DNAH14: variants seen among roughly 807,000 people sequenced by gnomAD.
DNAH14 encodes the protein dynein axonemal heavy chain 14.
In DNAH14, 478 loss-of-function variants were observed where a neutral mutation model predicts 520.9. The observed-to-expected ratio is 0.92, with a 90% CI of 0.85 to 0.99. DNAH14 has a LOEUF of 0.99. Ranked by LOEUF, DNAH14 falls within the 50% of genes least tolerant of loss-of-function variation. DNAH14 has a pLI of 0.00. For synonymous variants in DNAH14, 1,581 were observed against 1,757.2 expected (o/e 0.90, Z 2.51); for missense variants, 4,831 against 5,234.5 (o/e 0.92, Z 2.38).
rs1426320852 is a variant in DNAH14, at chr1:225,269,931, A to G, written c.7540-804A>G. Among the ~76,000 whole-genome samples the G allele has an allele frequency of 2.0e-5, 3 of 152,196 alleles. No individual in the cohort carries two copies. The East Asian group carries it at 5.8e-4, about 29-fold the overall frequency. ...CAGTGTGGTGATTCCTCAAGGATCTAGAACTAGAAATACCATTTGACTCAG... is the reference window on the plus strand; with the variant it reads ...CAGTGTGGTGATTCCTCAAGGATCTGGAACTAGAAATACCATTTGACTCAG... On this transcript the variant is annotated intron_variant, in intron 49 of 85. Transcript: ENST00000682510.
intron 80 of DNAH14, among the ~76,000 whole-genome samples, chr1:225,380,770 C>T (rs1159156024): frequency 6.6e-6 from 1 of 152,186 alleles, no homozygotes; most frequent in East Asian, 1.9e-4. Context: ...TGACTCCAAA[C>T]CCAGCTCTAA....
chr1:224,996,391 G>A (rs1490267297), intron 8 of DNAH14, among the ~76,000 whole-genome samples: 1 of 152,002 alleles, frequency 6.6e-6, no homozygotes, highest in East Asian at 1.9e-4. Context: ...GAACTCCTGG[G>A]CTCAAGTGAT....
chr1:225,134,844 A>G (rs1486706777), intron 27 of DNAH14, among the ~76,000 whole-genome samples: 2 of 152,076 alleles, frequency 1.3e-5, no homozygotes, highest in Non-Finnish European at 2.9e-5. Context: ...ATGTGAATCC[A>G]TCTGGTCTTG....
chr1:225,282,867 G>C (rs910111111), intron 54 of DNAH14, among the ~76,000 whole-genome samples: 5 of 152,172 alleles, frequency 3.3e-5, no homozygotes, highest in East Asian at 3.9e-4. Flanking sequence ...CGTGTGCTTT[G>C]CCCATTTTTC....
chr1:225,159,218 A>T (rs1321709589), intron 34 of DNAH14, 96 bp from the exon 35 acceptor site: 57 of 1,003,788 alleles, frequency 5.7e-5, no homozygotes, highest in Non-Finnish European at 7.3e-5. Flanking sequence ...GGACATTGGG[A>T]TAGCCACCCC....
At chr1:225,168,154 T>A (rs931146049) in intron 36 of DNAH14, 126 bp downstream of exon 36, 6 of 611,314 alleles carry the variant, frequency 9.8e-6, no homozygotes, top group African/African-American at 7.8e-5. Context: ...TAAAGTCATT[T>A]ATTAATTGTT....
chr1:225,159,496 CT>C lies in DNAH14; in HGVS notation c.5445+14del. 3.3e-6 allele frequency: 5 copies of C among 1,496,648 alleles called. No homozygotes were observed. Among genetic ancestry groups the C allele is most frequent in the Non-Finnish European group, 4.4e-6 (5 of 1,124,232 alleles). The allele number at this position is 1,496,648 out of a possible 1,614,324, so 92.7% of individuals were successfully genotyped here. On this transcript the variant is annotated intron_variant, in intron 35 of 85. Transcript: ENST00000682510. ...CAACTTGCCTTGGAGGTAAAAAGAC[CT>C]TTGAAAATCATCACCAATTATTTGG...
intron 36 of DNAH14, among the ~76,000 whole-genome samples, chr1:225,176,545 C>G (rs61851478): frequency 0.13 from 19,395 of 151,998 alleles, 1,391 homozygotes; most frequent in East Asian, 0.31. Context: ...GTTGAAATTT[C>G]CTACTATTAT....
intron 21 of DNAH14, among the ~76,000 whole-genome samples, chr1:225,094,763 G>A (rs1480232004): frequency 2.1e-5 from 3 of 140,508 alleles, no homozygotes; most frequent in African/African-American, 5.1e-5. Flanking sequence ...CAAACTATGC[G>A]TCTGATGAAG....
In DNAH14 at chr1:225,240,589, C is replaced by A; in HGVS notation, c.6519-4C>A. Reference sequence around the variant, plus strand: ...CTTCATCCTTCCATACCTGTCTACCCCAGGGATGAAAATACATGGTATCCA... The same window carrying A: ...CTTCATCCTTCCATACCTGTCTACCACAGGGATGAAAATACATGGTATCCA... On this transcript the variant is annotated splice_polypyrimidine_tract_variant and splice_region_variant and intron_variant, in intron 42 of 85. Coordinates refer to ENST00000682510, the MANE Select transcript of DNAH14 (RefSeq NM_001367479.1). The A allele has an allele frequency of 6.6e-7, 1 of 1,513,754 alleles. No homozygotes were observed. Among genetic ancestry groups the A allele is most frequent in the Non-Finnish European group, 9.0e-7 (1 of 1,113,710 alleles). The allele number at this position is 1,513,754 out of a possible 1,614,324, so 93.8% of individuals were successfully genotyped here.
chr1:225,077,773 A>G (rs2072480837), intron 17 of DNAH14, among the ~76,000 whole-genome samples: 1 of 152,200 alleles, frequency 6.6e-6, no homozygotes, highest in Non-Finnish European at 1.5e-5. Flanking sequence ...CTCTGTGGCA[A>G]AGAGACACAC....
intron 77 of DNAH14, among the ~76,000 whole-genome samples, chr1:225,374,234 A>T (rs1178124440): frequency 1.1e-4 from 2 of 17,876 alleles, no homozygotes; most frequent in African/African-American, 2.6e-4. Context: ...AATATATATA[A>T]TATATATATT....
At chr1:225,185,950 T>TTG (rs1204452945) in intron 37 of DNAH14, among the ~76,000 whole-genome samples, 2 of 149,042 alleles carry the variant, frequency 1.3e-5, no homozygotes, top group Non-Finnish European at 3.0e-5. Context: ...CACTTTGTTT[T>TTG]TTTTTTTTTT....
chr1:225,090,542 AAG>A (rs1313621786), intron 21 of DNAH14, among the ~76,000 whole-genome samples: 2 of 152,150 alleles, frequency 1.3e-5, no homozygotes, highest in Non-Finnish European at 2.9e-5. Context: ...ATAGACAAGA[AAG>A]AGAGAGTACA....
chr1:225,140,765 C>A lies in DNAH14; in HGVS notation c.4255-3C>A. Reference sequence around the variant, plus strand: ...TATATATAACATTATCTTACTTTTTCAGAGCCAGATCATGTTTTATAATGA... The same window carrying A: ...TATATATAACATTATCTTACTTTTTAAGAGCCAGATCATGTTTTATAATGA... On this transcript the variant is annotated splice_region_variant and splice_polypyrimidine_tract_variant and intron_variant, in intron 27 of 85. Coordinates refer to ENST00000682510, the MANE Select transcript of DNAH14 (RefSeq NM_001367479.1). The A allele has an allele frequency of 6.6e-7, 1 of 1,512,398 alleles. No homozygotes were observed. Among genetic ancestry groups the A allele is most frequent in the South Asian group, 1.2e-5 (1 of 82,612 alleles). The allele number at this position is 1,512,398 out of a possible 1,614,324, so 93.7% of individuals were successfully genotyped here. A position where few individuals can be genotyped will look rare whatever the true frequency, so the allele number is the denominator to read the frequency against.
At chr1:225,188,141 A>G (rs2084965883) in intron 37 of DNAH14, among the ~76,000 whole-genome samples, 1 of 151,912 alleles carries the variant, frequency 6.6e-6, no homozygotes, top group Non-Finnish European at 1.5e-5. Flanking sequence ...ATAGTTTTAT[A>G]TAGTAGTCTC....
intron 17 of DNAH14, among the ~76,000 whole-genome samples, chr1:225,069,157 A>C (rs2071258929): frequency 6.6e-6 from 1 of 152,212 alleles, no homozygotes; most frequent in African/African-American, 2.4e-5. Flanking sequence ...TGCCATCTGC[A>C]AACAGGGATA....
chr1:225,119,865 C>T (rs1010057603), intron 26 of DNAH14, among the ~76,000 whole-genome samples: 8 of 152,102 alleles, frequency 5.3e-5, no homozygotes, highest in African/African-American at 1.9e-4. Context: ...GTTTTTATAT[C>T]TATAGTTGTT....
chr1:225,268,149 A>G (rs1221873223), intron 49 of DNAH14, among the ~76,000 whole-genome samples: 1 of 152,140 alleles, frequency 6.6e-6, no homozygotes. Flanking sequence ...TTATTTTTTA[A>G]TGATTGCTCT....
Sources: allele counts gnomAD v4.1 joint callset (sites outside exome capture counted in the v4.1 genomes callset), GRCh38; gene constraint gnomAD v4.1.1; transcripts MANE v1.5; gene names NCBI Gene and HGNC (gene_info 2026-07-23, HGNC 2026-07-21).